ANKRD11: variants seen among roughly 807,000 people sequenced by gnomAD.
The protein encoded by ANKRD11 is ankyrin repeat domain 11.
Under a neutral mutation model 195.7 loss-of-function variants are expected in ANKRD11, and 17 were observed. The observed-to-expected ratio is 0.09, with a 90% CI of 0.06 to 0.13. ANKRD11 has a LOEUF of 0.13. Among genes scored for constraint, ANKRD11 ranks in the 10% least tolerant of loss-of-function variants. The pLI, the probability that ANKRD11 is intolerant of heterozygous loss-of-function variation, is 1.00. For missense variants in ANKRD11, 3,735 were observed against 3,566.1 expected (o/e 1.05, Z -1.21); for synonymous variants, 1,953 against 1,528.1 (o/e 1.28, Z -6.49).
At chr16:89,313,109 G>C (rs1360453768) in intron 3 of ANKRD11, among the ~76,000 whole-genome samples, 1 of 152,200 alleles carries the variant, frequency 6.6e-6, no homozygotes, top group Admixed American at 6.5e-5. Flanking sequence ...GTGAATGTGG[G>C]TTCCTAACAA....
intron 1 of ANKRD11, among the ~76,000 whole-genome samples, chr16:89,445,014 G>A (rs1191821285): frequency 1.3e-5 from 2 of 151,838 alleles, no homozygotes; most frequent in Non-Finnish European, 2.9e-5. Context: ...ACACAGACCC[G>A]TTCAGCACCT....
At chr16:89,290,911 A>T (rs917262628) in intron 5 of ANKRD11, 83 bp from the exon 6 acceptor site, 1 of 1,608,992 alleles carries the variant, frequency 6.2e-7, no homozygotes, top group African/African-American at 1.3e-5. Flanking sequence ...GGCCACCATC[A>T]CGAGGTCCCT....
rs369545274 is a variant in ANKRD11 at position 89,280,028 on chromosome 16, C to T, written c.6514G>A (p.Gly2172Arg). The change falls in exon 9 of 13, where the codon GGG becomes AGG. Residue 2172 changes from glycine (G) to arginine (R), a missense_variant. Coordinates refer to ENST00000301030, the MANE Select transcript of ANKRD11 (RefSeq NM_013275.6). ...GAAACATCCCCACCGTTTATGACCC[C>T]GGGGGCCCCTGGAGGCATCTCTTCT... ...PPEEMPPGAPGVINGGDVSTV... is the reference protein window; with the variant it reads ...PPEEMPPGAPRVINGGDVSTV... 19 of 1,612,608 alleles carry T rather than the reference C, an allele frequency of 1.2e-5. No individual in the cohort carries two copies. Among genetic ancestry groups the T allele is most frequent in the Non-Finnish European group, 1.6e-5 (19 of 1,179,950 alleles).
chr16:89,460,095 G>A (rs1036630490), intron 1 of ANKRD11, among the ~76,000 whole-genome samples: 12 of 151,754 alleles, frequency 7.9e-5, no homozygotes, highest in South Asian at 4.2e-4. Flanking sequence ...AGAATTAGCT[G>A]GGCGTGGTGG....
At chr16:89,414,601 T>TA (rs747746271) in intron 2 of ANKRD11, among the ~76,000 whole-genome samples, 16 of 152,230 alleles carry the variant, frequency 1.1e-4, no homozygotes, top group African/African-American at 3.9e-4. Context: ...TTACAGTAGA[T>TA]ACGACCGTGA....
chr16:89,421,428 C>T (rs1597354667), intron 1 of ANKRD11, among the ~76,000 whole-genome samples: 1 of 8,608 alleles, frequency 1.2e-4, no homozygotes, highest in Non-Finnish European at 2.5e-4. Context: ...GGGTGAGACA[C>T]GAAGGGTCGG....
chr16:89,321,922 C>T (rs2037351883), intron 2 of ANKRD11, among the ~76,000 whole-genome samples: 2 of 152,108 alleles, frequency 1.3e-5, no homozygotes, highest in Non-Finnish European at 2.9e-5. Context: ...GAAAGCCATT[C>T]GTGGAGACCC....
chr16:89,282,866 C>T lies in ANKRD11; in HGVS notation c.3676G>A (p.Val1226Met), dbSNP rs2034376115. Residue 1226 changes from valine to methionine, a missense_variant, in exon 9 of 13, where the codon GTG (valine) becomes ATG (methionine). Val to Met is a conservative substitution (Grantham distance 21, BLOSUM62 1). Transcript: ENST00000301030. ...TTTTTCTTATCTTGCGTGGAGTCCA[C>T]TGAGGCTCTGTCCTTCCTGTCCTTG... ...KYKDRKDRAS[V>M]DSTQDKKNKQ... 6.8e-6 allele frequency: 11 copies of T among 1,612,708 alleles called. No individual in the cohort carries two copies. The East Asian group carries it at 2.0e-4, about 29-fold the overall frequency.
At chr16:89,273,005 T>C (rs938654259) in intron 11 of ANKRD11, 3 of 94,436 alleles carry the variant, frequency 3.2e-5, no homozygotes, top group Non-Finnish European at 6.2e-5. Context: ...GGAAGGGTTG[T>C]GGGGGGCTGG....
chr16:89,284,662 T>C lies in ANKRD11; in HGVS notation c.1880A>G (p.Lys627Arg). Residue 627 changes from lysine to arginine, a missense_variant, in exon 9 of 13, where the codon AAA (lysine) becomes AGA (arginine). Physicochemically the swap from Lys to Arg is conservative, Grantham distance 26. Transcript: ENST00000301030. ...GAVPKLDKEG[K>R]VVKKHKTKHK... ...TTTTGTTTTATGTTTTTTGACAACT[T>C]TCCCCTCCTTGTCCAGTTTGGGGAC... 6.2e-7 allele frequency: 1 copy of C among 1,614,086 alleles called. No homozygotes were observed. Among genetic ancestry groups the C allele is most frequent in the Non-Finnish European group, 8.5e-7 (1 of 1,180,026 alleles).
intron 1 of ANKRD11, among the ~76,000 whole-genome samples, chr16:89,466,595 C>T (rs1054142520): frequency 2.1e-4 from 32 of 152,054 alleles, no homozygotes; most frequent in African/African-American, 5.6e-4. Flanking sequence ...GGAAAAAATA[C>T]AAGCCTCAGA....
chr16:89,394,693 T>A (rs993646915), intron 2 of ANKRD11, among the ~76,000 whole-genome samples: 1 of 151,824 alleles, frequency 6.6e-6, no homozygotes, highest in Non-Finnish European at 1.5e-5. Context: ...CTCGTCTCAA[T>A]AAAACCTGCG....
At chr16:89,443,954 G>A (rs1055640447) in intron 1 of ANKRD11, among the ~76,000 whole-genome samples, 3 of 152,206 alleles carry the variant, frequency 2.0e-5, no homozygotes, top group African/African-American at 7.2e-5. Flanking sequence ...GGAGAGGTGT[G>A]CAGAGACAAA....
rs368593056 is a variant in ANKRD11, at chr16:89,283,697, G to T, written c.2845C>A (p.Arg949=). 1.9e-6 allele frequency: 3 copies of T among 1,613,202 alleles called. No individual in the cohort carries two copies. The highest frequency in any genetic ancestry group is 1.6e-4 in the Middle Eastern group (1 of 6,062). ...CTCTCCAGGGCGTCCTTTCTGTCCC[G>T]CCCGGCCTCTGCGGACTCTCTCCTC... ...KKRRESAEAG[R]DRKDALESCK... is the part of the protein sequence containing the mutation. Residue 949 remains arginine, a synonymous_variant, in exon 9 of 13, where the codon CGG becomes AGG. Transcript: ENST00000301030. This position sits in a 1 kb window ranked among gnomAD's most constrained non-coding sequence, Gnocchi z 4.3.
intron 2 of ANKRD11, among the ~76,000 whole-genome samples, chr16:89,396,822 G>A (rs1430333031): frequency 2.0e-5 from 3 of 152,170 alleles, no homozygotes; most frequent in African/African-American, 4.8e-5. Context: ...GAGTAGCTGG[G>A]ACTACAGGTG....
intron 2 of ANKRD11, among the ~76,000 whole-genome samples, chr16:89,343,146 G>A (rs998207387): frequency 2.0e-5 from 3 of 152,124 alleles, no homozygotes; most frequent in Non-Finnish European, 2.9e-5. Context: ...GTGCCACCAC[G>A]CCTGGCTCAT....
At position 89,283,897 on chromosome 16, in the gene ANKRD11, T is replaced by C. The variant is rs759995499; in HGVS notation, c.2645A>G (p.Lys882Arg). Residue 882 changes from lysine to arginine, a missense_variant, in exon 9 of 13, where the codon AAG becomes AGG. Lys to Arg is a conservative substitution (Grantham distance 26). Coordinates refer to ENST00000301030, the MANE Select transcript of ANKRD11 (RefSeq NM_013275.6). This position sits in a 1 kb window ranked among gnomAD's most constrained non-coding sequence, Gnocchi z 4.3. ...SVAKLILETV[K>R]EDSKERRRDS... ...CCGCCTCCTCTCCTTGCTGTCCTCC[T>C]TCACCGTCTCCAAGATGAGCTTGGC... 1 of 1,614,198 alleles carries C rather than the reference T, an allele frequency of 6.2e-7. No individual in the cohort carries two copies. Among genetic ancestry groups the C allele is most frequent in the South Asian group, 1.1e-5 (1 of 91,086 alleles).
chr16:89,291,702 C>A lies in ANKRD11; in HGVS notation c.227-519G>T. On this transcript the variant is annotated intron_variant, in intron 4 of 12. Coordinates refer to ENST00000301030, the MANE Select transcript of ANKRD11 (RefSeq NM_013275.6). The surrounding 1 kb of genome is among the most constrained non-coding windows in gnomAD (Gnocchi z 5.3). ...GTACCTTTCTTCTTGCTTCTAGGAA[C>A]CTCCATCTCATGCCATGGTGCTTCG... 1 of 1,289,938 alleles carries A rather than the reference C, an allele frequency of 7.8e-7. No homozygotes were observed. Among genetic ancestry groups the A allele is most frequent in the Non-Finnish European group, 1.0e-6 (1 of 988,936 alleles). The allele number at this position is 1,289,938 out of a possible 1,614,324, so 79.9% of individuals were successfully genotyped here.
At chr16:89,356,269 G>C (rs540820629) in intron 2 of ANKRD11, among the ~76,000 whole-genome samples, 1 of 151,604 alleles carries the variant, frequency 6.6e-6, no homozygotes, top group Non-Finnish European at 1.5e-5. Flanking sequence ...GTCCAAAGGA[G>C]ACATCTTTGT....
Sources: gnomAD v4.1 joint callset for allele counts (sites outside exome capture counted in the v4.1 genomes callset) on GRCh38, gnomAD v4.1.1 for gene constraint, Gnocchi (gnomAD v3.1) non-coding constraint, MANE v1.5 for transcripts, NCBI Gene and HGNC (gene_info 2026-07-23, HGNC 2026-07-21) for gene names.